The following RANBP10 variants were observed in gnomAD, a reference collection of about 807,000 sequenced individuals.
The protein encoded by RANBP10 is ran-binding protein 10.
RANBP10 carries 24 observed loss-of-function variants against 72.8 expected under a neutral mutation model. The ratio of observed to expected loss-of-function variants is 0.33; its 90% CI spans 0.24 to 0.46. The LOEUF (loss-of-function observed/expected upper bound fraction) is 0.46. Among genes scored for constraint, RANBP10 ranks in the 20% least tolerant of loss-of-function variants. RANBP10 has a pLI of 1.00. For synonymous variants in RANBP10, 310 were observed against 322.3 expected (o/e 0.96, Z 0.41); for missense variants, 679 against 817.5 (o/e 0.83, Z 2.07).
chr16:67,745,679 T>C (rs770024250), intron 3 of RANBP10, among the ~76,000 whole-genome samples: 5 of 152,052 alleles, frequency 3.3e-5, no homozygotes, highest in Non-Finnish European at 7.4e-5. Flanking sequence ...TTTTAACAAA[T>C]GTATACAGTT....
intron 2 of RANBP10, among the ~76,000 whole-genome samples, chr16:67,787,484 A>C (rs965612679): frequency 1.3e-5 from 2 of 152,204 alleles, no homozygotes; most frequent in Non-Finnish European, 2.9e-5. Flanking sequence ...TACCCAAAAA[A>C]GTTAAATAAA....
At chr16:67,774,537 C>T (rs757610287) in intron 2 of RANBP10, among the ~76,000 whole-genome samples, 3 of 152,134 alleles carry the variant, frequency 2.0e-5, no homozygotes, top group Non-Finnish European at 4.4e-5. Flanking sequence ...GTGGATGGCT[C>T]GGGAGCCTCT....
chr16:67,779,030 G>A (rs1197226082), intron 2 of RANBP10, among the ~76,000 whole-genome samples: 3 of 152,058 alleles, frequency 2.0e-5, no homozygotes, highest in African/African-American at 7.2e-5. Flanking sequence ...GGAAGTTGAG[G>A]CTGCAGTGCC....
rs1481049648 is a variant in RANBP10, at chr16:67,730,846, TCTC to T, written c.889+623_889+625del. Among the ~76,000 whole-genome samples the T allele has an allele frequency of 6.6e-6, 1 of 152,068 alleles. No individual in the cohort carries two copies. The highest frequency in any genetic ancestry group is 2.4e-5 in the African/African-American group (1 of 41,410). On this transcript the variant is annotated intron_variant, in intron 7 of 13. Coordinates refer to ENST00000317506, the MANE Select transcript of RANBP10 (RefSeq NM_020850.3). This position sits in a 1 kb window ranked among gnomAD's most constrained non-coding sequence, Gnocchi z 4.3. ...CACCCACTTGCCCTCATTCTCCTTT[TCTC>T]CTTCTAGCTCCTCACTGGGCTCCTT...
At chr16:67,797,980 A>C (rs1296386606) in intron 2 of RANBP10, among the ~76,000 whole-genome samples, 2 of 115,830 alleles carry the variant, frequency 1.7e-5, no homozygotes, top group Admixed American at 1.0e-4. Flanking sequence ...ACAGAGAGAG[A>C]CCCTCTCTCA....
Position 67,729,530 on chromosome 16 carries a change from G to A in RANBP10, c.1148-46C>T. 1.3e-6 allele frequency: 2 copies of A among 1,585,170 alleles called. No individual in the cohort carries two copies. The highest frequency in any genetic ancestry group is 1.7e-6 in the Non-Finnish European group (2 of 1,165,630). Reference sequence around the variant, plus strand: ...CAGAAGAGGAGGGGCAGCTTCCCATGAAATGAAGCCCCAAGAACAACCACA... The same window carrying A: ...CAGAAGAGGAGGGGCAGCTTCCCATAAAATGAAGCCCCAAGAACAACCACA... On this transcript the variant is annotated intron_variant, in intron 9 of 13. Coordinates refer to ENST00000317506, the MANE Select transcript of RANBP10 (RefSeq NM_020850.3). The surrounding 1 kb of genome is among the most constrained non-coding windows in gnomAD (Gnocchi z 7.1).
At chr16:67,727,672 C>T in intron 12 of RANBP10, 79 bp downstream of exon 12, 8 of 1,599,410 alleles carry the variant, frequency 5.0e-6, no homozygotes, top group Non-Finnish European at 6.0e-6. Flanking sequence ...TTCCTGCTGC[C>T]CCCTGGACTC....
chr16:67,792,242 G>A (rs1475518280), intron 2 of RANBP10, among the ~76,000 whole-genome samples: 2 of 151,848 alleles, frequency 1.3e-5, no homozygotes, highest in East Asian at 1.9e-4. Context: ...GAGTGACCTG[G>A]GCCTTAGAAC....
At chr16:67,792,272 A>G (rs528824461) in intron 2 of RANBP10, among the ~76,000 whole-genome samples, 2 of 152,078 alleles carry the variant, frequency 1.3e-5, no homozygotes, top group African/African-American at 4.8e-5. Flanking sequence ...AATATAGGCT[A>G]GACCAGGCAC....
chr16:67,759,426 C>G (rs1289916768), intron 3 of RANBP10: 1 of 152,234 alleles, frequency 6.6e-6, no homozygotes, highest in Non-Finnish European at 1.5e-5. Flanking sequence ...GCTTGAACTA[C>G]AGGGTGACAA....
At chr16:67,740,451 G>T (rs2053947248) in intron 4 of RANBP10, among the ~76,000 whole-genome samples, 2 of 152,014 alleles carry the variant, frequency 1.3e-5, no homozygotes, top group African/African-American at 2.4e-5. Context: ...TGGCCTTTGA[G>T]GTTTTCAAAC....
Position 67,734,917 on chromosome 16 carries a change from G to A in RANBP10, c.717C>T (p.Gly239=), listed in dbSNP as rs1338851340. 2 of 1,613,670 alleles carry A rather than the reference G, an allele frequency of 1.2e-6. 1 individual carries two copies. The highest frequency in any genetic ancestry group is 2.2e-5 in the South Asian group (2 of 91,030). Residue 239 remains glycine (G), a synonymous_variant, in exon 6 of 14, where the codon GGC becomes GGT. Transcript: ENST00000317506. ...YMREWRAKVQ[G]TVHCFPISAR... ...CACTGATGGGGAAGCAGTGGACCGT[G>A]CCCTGGACCTTGGCACGCCACTCCC...
chr16:67,766,896 A>C (rs1486440070), intron 3 of RANBP10, among the ~76,000 whole-genome samples: 3 of 152,150 alleles, frequency 2.0e-5, no homozygotes, highest in African/African-American at 7.2e-5. Flanking sequence ...AGTGGTATCT[A>C]GATGCAATCT....
chr16:67,772,116 A>G, intron 2 of RANBP10, 30 bp from the exon 3 acceptor site: 1 of 1,586,880 alleles, frequency 6.3e-7, no homozygotes. Context: ...AAAAACACAA[A>G]ATTTTTGGTT....
At chr16:67,760,805 A>G (rs753293586) in intron 3 of RANBP10, among the ~76,000 whole-genome samples, 4 of 152,196 alleles carry the variant, frequency 2.6e-5, no homozygotes, top group Non-Finnish European at 5.9e-5. Flanking sequence ...GAAATTATCA[A>G]CTACCCAGCT....
At position 67,729,280 on chromosome 16, in the gene RANBP10, C is replaced by G. The variant is rs1228130464; in HGVS notation, c.1352G>C (p.Ser451Thr). 1 of 1,611,926 alleles carries G rather than the reference C, an allele frequency of 6.2e-7. No individual in the cohort carries two copies. Among genetic ancestry groups the G allele is most frequent in the Non-Finnish European group, 8.5e-7 (1 of 1,179,718 alleles). Residue 451 changes from serine (S) to threonine (T), a missense_variant and splice_region_variant, in exon 10 of 14, where the codon AGC (serine) becomes ACC (threonine). Physicochemically the swap from Ser to Thr is moderately conservative, Grantham distance 58 (BLOSUM62 1). Coordinates refer to ENST00000317506, the MANE Select transcript of RANBP10 (RefSeq NM_020850.3). This position sits in a 1 kb window ranked among gnomAD's most constrained non-coding sequence, Gnocchi z 7.1. ...HHSSTSNQET[S>T]DSEMEMEAEH... ...GGAGGAAGCAGAGCAAGGCAGGCAC[C>G]TGGTCTCCTGGTTACTGGTACTGCT...
rs928023510 is a variant in RANBP10, at chr16:67,740,392, T to C, written c.569-2357A>G. Among the ~76,000 whole-genome samples, 8 of 152,054 alleles carry C rather than the reference T, an allele frequency of 5.3e-5. No individual in the cohort carries two copies. In the South Asian group the frequency reaches 8.3e-4, roughly 16 times the overall value. On this transcript the variant is annotated intron_variant, in intron 4 of 13. Transcript: ENST00000317506. The stretch of plus-strand genomic sequence containing the variant: ...GTGCTGGGATTACAGTCGTGAGCCA[T>C]CATGCCCGGCAGATAAAGTCTTATA...
At chr16:67,750,827 C>T (rs920163752) in intron 3 of RANBP10, among the ~76,000 whole-genome samples, 7 of 139,998 alleles carry the variant, frequency 5.0e-5, no homozygotes, top group East Asian at 4.2e-4. Context: ...AGTGCAGCGG[C>T]GCAATCTCGG....
intron 2 of RANBP10, among the ~76,000 whole-genome samples, chr16:67,796,584 T>C (rs1173781775): frequency 6.6e-6 from 1 of 152,180 alleles, no homozygotes; most frequent in Non-Finnish European, 1.5e-5. Flanking sequence ...GGGCTCTGTC[T>C]GGACAAGAAC....
Sources: gnomAD v4.1 joint callset for allele counts (sites outside exome capture counted in the v4.1 genomes callset) on GRCh38, gnomAD v4.1.1 for gene constraint, Gnocchi (gnomAD v3.1) non-coding constraint, MANE v1.5 for transcripts, NCBI Gene and HGNC (gene_info 2026-07-23, HGNC 2026-07-21) for gene names.